Variants in DCDC1 observed in about 807,000 individuals in gnomAD.
DCDC1 encodes doublecortin domain containing 1.
Under a neutral mutation model 178.3 loss-of-function variants are expected in DCDC1, and 200 were observed. That is an observed-to-expected ratio of 1.12 (90% CI 1.00 to 1.26). DCDC1 has a LOEUF of 1.26. Ranked by LOEUF, DCDC1 falls within the 50% of genes most tolerant of loss-of-function variation. The pLI, the probability that DCDC1 is intolerant of heterozygous loss-of-function variation, is 0.00. For missense variants in DCDC1, 1,983 were observed against 1,749.2 expected, an observed-to-expected ratio of 1.13 and a Z score of -2.38; for synonymous variants, 690 against 604.8, an observed-to-expected ratio of 1.14 and a Z score of -2.07.
chr11:31,220,301 CT>C (rs1463342196), intron 9 of DCDC1, among the ~76,000 whole-genome samples: 1 of 152,098 alleles, frequency 6.6e-6, no homozygotes, highest in Non-Finnish European at 1.5e-5. Context: ...AAATACGCAG[CT>C]TCATAATATA....
At chr11:31,095,653 T>A (rs1349065975) in intron 15 of DCDC1, among the ~76,000 whole-genome samples, 1 of 152,122 alleles carries the variant, frequency 6.6e-6, no homozygotes, top group Non-Finnish European at 1.5e-5. Context: ...TAGGGGGTAC[T>A]GAAGGGGGAG....
At chr11:30,992,010 G>A (rs943910697) in intron 20 of DCDC1, among the ~76,000 whole-genome samples, 23 of 152,106 alleles carry the variant, frequency 1.5e-4, no homozygotes, top group African/African-American at 5.3e-4. Flanking sequence ...CTGTGTTGTT[G>A]AGAAACCAAA....
intron 15 of DCDC1, among the ~76,000 whole-genome samples, chr11:31,095,629 G>T (rs1045900361): frequency 6.6e-6 from 1 of 152,162 alleles, no homozygotes; most frequent in Non-Finnish European, 1.5e-5. Flanking sequence ...TTTAGAGATA[G>T]TTGTGGGGAT....
chr11:31,313,442 T>C (rs1241575698), intron 3 of DCDC1, among the ~76,000 whole-genome samples: 1 of 152,174 alleles, frequency 6.6e-6, no homozygotes, highest in African/African-American at 2.4e-5. Flanking sequence ...CTTTCAGGGG[T>C]CCTAGCCTTA....
At chr11:30,933,264 A>T (rs999746947) in intron 21 of DCDC1, among the ~76,000 whole-genome samples, 1 of 151,802 alleles carries the variant, frequency 6.6e-6, no homozygotes, top group Non-Finnish European at 1.5e-5. Context: ...TTGTTAATTC[A>T]TATACATTTA....
chr11:30,997,385 C>A (rs1415060877), intron 20 of DCDC1, among the ~76,000 whole-genome samples: 1 of 152,014 alleles, frequency 6.6e-6, no homozygotes, highest in Non-Finnish European at 1.5e-5. Context: ...AAATGAAATA[C>A]AGCTTTTGAC....
At position 30,968,711 on chromosome 11, in the gene DCDC1, TTATATATATATA is replaced by T. The variant is rs71451193; in HGVS notation, c.2592-16155_2592-16144del. Among the ~76,000 whole-genome samples the T allele has an allele frequency of 1.5e-4, 9 of 61,058 alleles. 2 individuals are homozygous for T. Among genetic ancestry groups the T allele is most frequent in the African/African-American group, 2.4e-4 (3 of 12,754 alleles). 40.1% of individuals were successfully genotyped at this position (61,058 alleles called of 152,430 possible). A position where few individuals can be genotyped will look rare whatever the true frequency, so the allele number is the denominator to read the frequency against. On this transcript the variant is annotated intron_variant, in intron 20 of 38. Transcript: ENST00000684477. ...TATATCAAATTATATATATATCAAA[TTATATATATATA>T]TATATATATATATGGTTTGATATTT...
At position 31,295,222 on chromosome 11, in the gene DCDC1, T is replaced by A. The variant is rs541023169; in HGVS notation, c.755-4370A>T. 1.1e-4 allele frequency among the ~76,000 whole-genome samples: 16 copies of A among 152,340 alleles called. No individual in the cohort carries two copies. In the South Asian group the frequency reaches 3.1e-3, roughly 30 times the overall value. ...TAAGTAAATAGTTGTTATACTGTAT[T>A]TTTGTTTGTATTATTTTTTATTATT... On this transcript the variant is annotated intron_variant, in intron 6 of 38. Transcript: ENST00000684477.
chr11:31,211,837 C>T (rs925065135), intron 9 of DCDC1, among the ~76,000 whole-genome samples: 1 of 152,090 alleles, frequency 6.6e-6, no homozygotes, highest in African/African-American at 2.4e-5. Flanking sequence ...AATCCCAGCA[C>T]TTTGGAAGGC....
At chr11:31,310,469 C>T (rs989410668) in intron 3 of DCDC1, among the ~76,000 whole-genome samples, 35 of 151,896 alleles carry the variant, frequency 2.3e-4, no homozygotes, top group African/African-American at 7.7e-4. Context: ...CAGGCGCATG[C>T]AACCACGCCC....
chr11:30,946,377 CATG>C (rs1420064194), intron 21 of DCDC1, among the ~76,000 whole-genome samples: 11 of 152,164 alleles, frequency 7.2e-5, no homozygotes, highest in Non-Finnish European at 4.4e-5. Flanking sequence ...TGCTTGGCCC[CATG>C]TGGGCCCTCA....
intron 1 of DCDC1, among the ~76,000 whole-genome samples, chr11:31,343,083 T>C (rs772553543): frequency 8.6e-5 from 13 of 152,042 alleles, no homozygotes; most frequent in Non-Finnish European, 1.6e-4. Context: ...TTGGACAAAA[T>C]GGCAAGACCC....
chr11:30,976,479 T>A (rs916979305), intron 20 of DCDC1, among the ~76,000 whole-genome samples: 1 of 151,564 alleles, frequency 6.6e-6, no homozygotes, highest in Non-Finnish European at 1.5e-5. Flanking sequence ...CTTAGACAAT[T>A]CAACAGTAAA....
chr11:31,062,940 TC>T (rs1565235855), intron 20 of DCDC1, among the ~76,000 whole-genome samples: 1 of 93,558 alleles, frequency 1.1e-5, no homozygotes, highest in African/African-American at 4.2e-5. Context: ...ATGTTATCCC[TC>T]CCCCCTCCCC....
At chr11:31,095,634 G>T (rs906073256) in intron 15 of DCDC1, among the ~76,000 whole-genome samples, 7 of 152,126 alleles carry the variant, frequency 4.6e-5, no homozygotes, top group Non-Finnish European at 1.0e-4. Flanking sequence ...AGATAGTTGT[G>T]GGGATGGATA....
chr11:31,266,872 T>C (rs942284279), intron 7 of DCDC1, among the ~76,000 whole-genome samples: 2 of 152,266 alleles, frequency 1.3e-5, no homozygotes, highest in African/African-American at 4.8e-5. Flanking sequence ...ACATTGTGAC[T>C]GATTTGGTTT....
intron 38 of DCDC1, among the ~76,000 whole-genome samples, chr11:30,873,354 T>TAG (rs1302235772): frequency 1.4e-5 from 2 of 141,206 alleles, no homozygotes; most frequent in Non-Finnish European, 3.0e-5. Context: ...CATATATATA[T>TAG]ATATATATAT....
In DCDC1 at chr11:30,892,847, T is replaced by G. The variant is rs940360400; in HGVS notation, c.5053A>C (p.Thr1685Pro). Reference sequence around the variant, plus strand: ...GAAATAGTTTTGCCCCAGGCATAAGTGCCATCTTCAGGTCTGCCTCCATTT... The same window carrying G: ...GAAATAGTTTTGCCCCAGGCATAAGGGCCATCTTCAGGTCTGCCTCCATTT... ...YLNGGRPEDGTYAWGKTISEL... is the reference protein window; with the variant it reads ...YLNGGRPEDGPYAWGKTISEL... Residue 1685 changes from threonine (T) to proline (P), a missense_variant, in exon 36 of 39, where the codon ACT becomes CCT. By Grantham distance (38) the Thr-to-Pro change is conservative. Transcript: ENST00000684477. 2 of 1,613,930 alleles carry G rather than the reference T, an allele frequency of 1.2e-6. No individual in the cohort carries two copies. The highest frequency in any genetic ancestry group is 1.7e-6 in the Non-Finnish European group (2 of 1,179,828).
At chr11:31,318,870 T>C (rs1302871042) in intron 3 of DCDC1, among the ~76,000 whole-genome samples, 1 of 62,694 alleles carries the variant, frequency 1.6e-5, no homozygotes, top group Non-Finnish European at 2.8e-5. Flanking sequence ...TTTGTTCTCG[T>C]TGGTTTCAAA....
Sources: allele counts gnomAD v4.1 joint callset (sites outside exome capture counted in the v4.1 genomes callset), GRCh38; gene constraint gnomAD v4.1.1; transcripts MANE v1.5; gene names NCBI Gene and HGNC (gene_info 2026-07-23, HGNC 2026-07-21).